The following UNC5C variants were observed in gnomAD, a reference collection of about 807,000 sequenced individuals.
UNC5C encodes netrin receptor UNC5C.
Under a neutral mutation model 99.8 loss-of-function variants are expected in UNC5C, and 47 were observed. The ratio of observed to expected loss-of-function variants is 0.47; its 90% confidence interval spans 0.37 to 0.60. The LOEUF is 0.60. Ranked by LOEUF, UNC5C falls within the 20% of genes least tolerant of loss-of-function variation. UNC5C has a pLI of 0.00. For synonymous variants in UNC5C, 487 were observed against 452.2 expected (o/e 1.08, Z -0.98); for missense variants, 1,062 against 1,165.9 (o/e 0.91, Z 1.30).
At chr4:95,301,511 C>G in intron 3 of UNC5C, 95 bp downstream of exon 3, 1 of 1,546,660 alleles carries the variant, frequency 6.5e-7, no homozygotes, top group Non-Finnish European at 8.8e-7. Context: ...GGATTTTTGA[C>G]CAGTTTTCTT....
chr4:95,539,787 T>C (rs995335950), intron 1 of UNC5C, among the ~76,000 whole-genome samples: 2 of 152,144 alleles, frequency 1.3e-5, no homozygotes, highest in African/African-American at 4.8e-5. Flanking sequence ...TATTTCCATA[T>C]TTATTTAATT....
At chr4:95,213,970 G>A (rs1738161560) in intron 10 of UNC5C, among the ~76,000 whole-genome samples, 1 of 152,206 alleles carries the variant, frequency 6.6e-6, no homozygotes, top group Non-Finnish European at 1.5e-5. Flanking sequence ...TCTGAATTCT[G>A]CCTTGCTAAG....
intron 1 of UNC5C, among the ~76,000 whole-genome samples, chr4:95,515,187 C>T (rs1468584590): frequency 6.6e-6 from 1 of 152,144 alleles, no homozygotes; most frequent in African/African-American, 2.4e-5. Context: ...ACTTCTTATA[C>T]AATATATGCT....
At chr4:95,508,627 ACT>A in intron 1 of UNC5C, among the ~76,000 whole-genome samples, 1 of 151,836 alleles carries the variant, frequency 6.6e-6, no homozygotes, top group African/African-American at 2.4e-5. Flanking sequence ...CTCCATTTTT[ACT>A]GTTACTCATT....
intron 1 of UNC5C, among the ~76,000 whole-genome samples, chr4:95,336,313 T>C (rs948216115): frequency 2.0e-5 from 3 of 151,834 alleles, no homozygotes; most frequent in Non-Finnish European, 2.9e-5. Context: ...AAAGTCAAGG[T>C]AAAAACAGTC....
At chr4:95,532,621 A>G (rs1560496723) in intron 1 of UNC5C, among the ~76,000 whole-genome samples, 1 of 152,170 alleles carries the variant, frequency 6.6e-6, no homozygotes, top group Non-Finnish European at 1.5e-5. Context: ...TTGCTGTAAG[A>G]AGGGGTGAAG....
At chr4:95,349,118 A>C (rs1743888430) in intron 1 of UNC5C, among the ~76,000 whole-genome samples, 1 of 151,414 alleles carries the variant, frequency 6.6e-6, no homozygotes, top group Non-Finnish European at 1.5e-5. Context: ...TAACCAAAAG[A>C]GTATAATTGG....
intron 1 of UNC5C, among the ~76,000 whole-genome samples, chr4:95,492,764 G>A (rs950762153): frequency 2.0e-5 from 3 of 151,430 alleles, no homozygotes; most frequent in Non-Finnish European, 4.4e-5. Flanking sequence ...GAGATCAGAA[G>A]AGCAAATTCT....
At chr4:95,295,264 C>A (rs1233682965) in intron 3 of UNC5C, among the ~76,000 whole-genome samples, 1 of 152,194 alleles carries the variant, frequency 6.6e-6, no homozygotes, top group African/African-American at 2.4e-5. Context: ...AAGGGTTCTG[C>A]ACAGGACACC....
intron 15 of UNC5C, 48 bp from the exon 16 acceptor site, chr4:95,169,447 C>T: frequency 6.3e-7 from 1 of 1,591,820 alleles, no homozygotes; most frequent in African/African-American, 1.3e-5. Flanking sequence ...ACTTACATAT[C>T]TATTTTTCCT....
chr4:95,183,171 C>T (rs773823967), intron 13 of UNC5C, 110 bp from the exon 14 acceptor site: 10 of 1,073,866 alleles, frequency 9.3e-6, no homozygotes, highest in Non-Finnish European at 1.3e-5. Flanking sequence ...CTCATTTAAT[C>T]CTCACAACAG....
chr4:95,508,397 G>C (rs1721980522), intron 1 of UNC5C, among the ~76,000 whole-genome samples: 1 of 150,864 alleles, frequency 6.6e-6, no homozygotes, highest in South Asian at 2.1e-4. Context: ...ACTTGTAATG[G>C]CTTCTTGTAC....
At chr4:95,180,377 T>A (rs368010187) in intron 14 of UNC5C, among the ~76,000 whole-genome samples, 9 of 152,228 alleles carry the variant, frequency 5.9e-5, no homozygotes, top group Non-Finnish European at 8.8e-5. Context: ...TCTTTTCTTT[T>A]GGAGATAATG....
intron 2 of UNC5C, among the ~76,000 whole-genome samples, chr4:95,327,957 A>G (rs2149416540): frequency 6.6e-6 from 1 of 151,216 alleles, no homozygotes; most frequent in East Asian, 2.0e-4. Flanking sequence ...TTAACATTTA[A>G]GCCATCCGTG....
chr4:95,183,118 CA>C, intron 13 of UNC5C, 57 bp from the exon 14 acceptor site: 1 of 1,535,924 alleles, frequency 6.5e-7, no homozygotes, highest in South Asian at 1.2e-5. Context: ...AAATAACTCT[CA>C]GATGGTCTGC....
intron 12 of UNC5C, among the ~76,000 whole-genome samples, chr4:95,188,340 AAGG>A (rs1417030870): frequency 6.6e-6 from 1 of 152,196 alleles, no homozygotes; most frequent in Non-Finnish European, 1.5e-5. Flanking sequence ...TAACAGAAAA[AAGG>A]AGAGGACAAA....
At chr4:95,500,789 T>C (rs150590829) in intron 1 of UNC5C, among the ~76,000 whole-genome samples, 26 of 152,298 alleles carry the variant, frequency 1.7e-4, no homozygotes, top group Admixed American at 2.6e-4. Context: ...TCCTTTGAGA[T>C]GCTAGAGAGC....
At chr4:95,421,860 AT>A (rs1185585079) in intron 1 of UNC5C, among the ~76,000 whole-genome samples, 4 of 152,030 alleles carry the variant, frequency 2.6e-5, no homozygotes, top group African/African-American at 9.7e-5. Context: ...TTACTGACAT[AT>A]TTTTTCCTCT....
intron 1 of UNC5C, among the ~76,000 whole-genome samples, chr4:95,428,075 G>GT (rs1036283067): frequency 0.012 from 1,659 of 141,264 alleles, 24 homozygotes; most frequent in African/African-American, 0.033. Flanking sequence ...TTAGGGTTTT[G>GT]TTTTTTTTTT....
Sources: gnomAD v4.1 joint callset for allele counts (sites outside exome capture counted in the v4.1 genomes callset) on GRCh38, gnomAD v4.1.1 for gene constraint, MANE v1.5 for transcripts, NCBI Gene and HGNC (gene_info 2026-07-23, HGNC 2026-07-21) for gene names.